The following PCED1B variants were observed in gnomAD, a reference collection of about 807,000 sequenced individuals.
PCED1B encodes PC-esterase domain containing 1B, also known as PC-esterase domain-containing protein 1B.
For missense variants in PCED1B, 573 were observed against 573.9 expected, an observed-to-expected ratio of 1.00 and a Z score of 0.02; for synonymous variants, 251 against 246.1, an observed-to-expected ratio of 1.02 and a Z score of -0.19.
chr12:47,098,066 C>T (rs1274681058), intron 1 of PCED1B, among the ~76,000 whole-genome samples: 1 of 152,182 alleles, frequency 6.6e-6, no homozygotes, highest in Admixed American at 6.5e-5. Context: ...AGTTGACATG[C>T]TTTGGGGCAT....
chr12:47,230,210 G>A (rs832708), intron 3 of PCED1B, among the ~76,000 whole-genome samples: 19,216 of 144,954 alleles, frequency 0.13, 1,267 homozygotes, highest in African/African-American at 0.16. Context: ...TCAGCCTCCC[G>A]AGTAGCTGGG....
intron 2 of PCED1B, among the ~76,000 whole-genome samples, chr12:47,173,911 T>C (rs572819465): frequency 6.6e-6 from 1 of 152,350 alleles, no homozygotes; most frequent in African/African-American, 2.4e-5. Context: ...TTGAAGACTA[T>C]TCTTATTCAG....
chr12:47,201,987 C>A (rs1225982438), intron 2 of PCED1B, among the ~76,000 whole-genome samples: 1 of 152,086 alleles, frequency 6.6e-6, no homozygotes, highest in Non-Finnish European at 1.5e-5. Context: ...AAGCTCTGCC[C>A]AATTATGAAG....
intron 2 of PCED1B, among the ~76,000 whole-genome samples, chr12:47,159,080 A>AT (rs142061866): frequency 6.6e-6 from 1 of 151,912 alleles, no homozygotes; most frequent in African/African-American, 2.4e-5. Flanking sequence ...TGATTTTATT[A>AT]TTTTTTTACA....
chr12:47,233,125 C>T (rs1279061243), intron 3 of PCED1B, among the ~76,000 whole-genome samples: 3 of 152,024 alleles, frequency 2.0e-5, no homozygotes, highest in Non-Finnish European at 2.9e-5. Context: ...AGGCTGGTCT[C>T]GAACTCCTGA....
intron 2 of PCED1B, among the ~76,000 whole-genome samples, chr12:47,120,846 G>A (rs969192889): frequency 7.9e-5 from 12 of 152,028 alleles, no homozygotes; most frequent in East Asian, 1.9e-4. Context: ...ATGCTACAAC[G>A]TGGATGAAGC....
intron 2 of PCED1B, among the ~76,000 whole-genome samples, chr12:47,202,310 C>T (rs1036194489): frequency 6.6e-6 from 1 of 152,050 alleles, no homozygotes; most frequent in African/African-American, 2.4e-5. Context: ...AAAATTTGCC[C>T]ATCAAAAGAT....
intron 2 of PCED1B, among the ~76,000 whole-genome samples, chr12:47,175,938 C>A (rs1941910958): frequency 6.7e-6 from 1 of 150,338 alleles, no homozygotes; most frequent in Non-Finnish European, 1.5e-5. Flanking sequence ...ATTGCCCAGA[C>A]TGGTCTCGAA....
intron 2 of PCED1B, among the ~76,000 whole-genome samples, chr12:47,200,275 G>A (rs964226921): frequency 2.0e-5 from 3 of 151,866 alleles, no homozygotes; most frequent in Non-Finnish European, 4.4e-5. Context: ...GTAAAAACAC[G>A]GGCAAAAGAC....
chr12:47,080,864 C>T (rs1172982292), intron 1 of PCED1B, among the ~76,000 whole-genome samples: 2 of 152,098 alleles, frequency 1.3e-5, no homozygotes, highest in Non-Finnish European at 2.9e-5. Context: ...CTGTCTCTGT[C>T]CCCGCCACCT....
chr12:47,136,755 AAT>A (rs750679658), intron 2 of PCED1B, among the ~76,000 whole-genome samples: 5 of 152,238 alleles, frequency 3.3e-5, no homozygotes, highest in Non-Finnish European at 5.9e-5. Context: ...TTTCCATTTT[AAT>A]AATCTTAGCA....
chr12:47,085,560 A>G (rs1288997933), intron 1 of PCED1B, among the ~76,000 whole-genome samples: 12 of 152,242 alleles, frequency 7.9e-5, no homozygotes, highest in Non-Finnish European at 1.5e-5. Flanking sequence ...TATGATATAC[A>G]TTCTTACTGA....
At chr12:47,142,868 A>G (rs981096688) in intron 2 of PCED1B, among the ~76,000 whole-genome samples, 2 of 99,300 alleles carry the variant, frequency 2.0e-5, no homozygotes, top group African/African-American at 6.0e-5. Flanking sequence ...TTATGGTAAC[A>G]GAAGAAGAGA....
At chr12:47,138,017 C>A (rs1940454310) in intron 2 of PCED1B, among the ~76,000 whole-genome samples, 1 of 152,112 alleles carries the variant, frequency 6.6e-6, no homozygotes, top group South Asian at 2.1e-4. Flanking sequence ...GAGAAGCAGA[C>A]CTCATTCTGG....
intron 2 of PCED1B, among the ~76,000 whole-genome samples, chr12:47,187,205 A>G (rs1296940030): frequency 1.3e-5 from 2 of 152,228 alleles, no homozygotes; most frequent in Non-Finnish European, 2.9e-5. Context: ...TAGGTGAAAG[A>G]TCCAGGTGGA....
At chr12:47,099,757 C>T (rs930750287) in intron 1 of PCED1B, among the ~76,000 whole-genome samples, 1 of 152,158 alleles carries the variant, frequency 6.6e-6, no homozygotes, top group African/African-American at 2.4e-5. Flanking sequence ...GAGAGGTGGC[C>T]CAGTCATATT....
chr12:47,228,420 C>T (rs1198048982), intron 3 of PCED1B, among the ~76,000 whole-genome samples: 1 of 152,152 alleles, frequency 6.6e-6, no homozygotes, highest in African/African-American at 2.4e-5. Context: ...CCCATCCCCT[C>T]CCTTCATGAC....
chr12:47,157,781 C>T (rs1288895191), intron 2 of PCED1B, among the ~76,000 whole-genome samples: 2 of 152,124 alleles, frequency 1.3e-5, no homozygotes, highest in Non-Finnish European at 2.9e-5. Context: ...AAACTCTGTA[C>T]CTGTTACAGA....
At chr12:47,137,797 A>G (rs1373899722) in intron 2 of PCED1B, among the ~76,000 whole-genome samples, 1 of 151,886 alleles carries the variant, frequency 6.6e-6, no homozygotes, top group Non-Finnish European at 1.5e-5. Flanking sequence ...CAAAAAAGAT[A>G]TAATTTAAAT....
Sources: allele counts gnomAD v4.1 joint callset (sites outside exome capture counted in the v4.1 genomes callset), GRCh38; gene constraint gnomAD v4.1.1; transcripts MANE v1.5; gene names NCBI Gene and HGNC (gene_info 2026-07-23, HGNC 2026-07-21).